Variants in MED12L observed in about 807,000 individuals in gnomAD.
The protein encoded by MED12L is mediator complex subunit 12L.
MED12L carries 60 observed loss-of-function variants against 281.3 expected under a neutral mutation model. The ratio of observed to expected loss-of-function variants is 0.21; its 90% CI spans 0.17 to 0.26. MED12L has a LOEUF of 0.26. MED12L is among the 10% of genes least tolerant of loss of function. The probability of loss-of-function intolerance (pLI) is 1.00; values close to 1 mark genes in which losing one functional copy is unlikely to be tolerated. For missense variants in MED12L, 2,146 were observed against 2,680.9 expected (o/e 0.80, Z 4.41); for synonymous variants, 974 against 987.2 (o/e 0.99, Z 0.25).
chr3:151,143,566 A>G (rs961057199), intron 5 of MED12L, among the ~76,000 whole-genome samples: 49 of 152,216 alleles, frequency 3.2e-4, no homozygotes, highest in African/African-American at 9.9e-4. Flanking sequence ...TGGGGCTAGC[A>G]GCAAGTATCT....
chr3:151,138,908 T>A (rs1477266772), intron 5 of MED12L, among the ~76,000 whole-genome samples: 2 of 152,150 alleles, frequency 1.3e-5, no homozygotes, highest in Admixed American at 6.5e-5. Context: ...AGTGGGGAGT[T>A]AACCATCCCC....
In MED12L at chr3:151,377,054, G is replaced by T. The variant is rs1756940145; in HGVS notation, c.4192G>T (p.Val1398Leu). 2 of 1,614,088 alleles carry T rather than the reference G, an allele frequency of 1.2e-6. No homozygotes were observed. The highest frequency in any genetic ancestry group is 2.2e-5 in the South Asian group (2 of 91,084). ...LDNIAKATIE[V>L]FQQSADLNNS... ...CAATATTGCAAAGGCAACAATAGAG[G>T]TATTCCAGCAGTCTGCAGACCTAAA... The change falls in exon 30 of 45, where the codon GTA (valine) becomes TTA (leucine). Residue 1398 changes from valine to leucine, a missense_variant. By Grantham distance (32) the Val-to-Leu change is conservative. This residue lies in a region of MED12L where 235 missense variants were observed against 260.3 expected (regional missense o/e 0.90). Coordinates refer to ENST00000687756, the MANE Select transcript of MED12L (RefSeq NM_001393769.1).
chr3:151,342,959 G>T (rs568598408), intron 16 of MED12L, among the ~76,000 whole-genome samples: 3 of 152,242 alleles, frequency 2.0e-5, no homozygotes, highest in African/African-American at 7.2e-5. Flanking sequence ...GAACTGAAGA[G>T]CAGAGCAGTG....
At chr3:151,158,078 C>G (rs1449226039) in intron 6 of MED12L, among the ~76,000 whole-genome samples, 1 of 152,132 alleles carries the variant, frequency 6.6e-6, no homozygotes, top group Non-Finnish European at 1.5e-5. Context: ...CTGTGTCACC[C>G]CCGTGGGGCA....
At chr3:151,383,066 T>C in intron 33 of MED12L, among the ~76,000 whole-genome samples, 1 of 152,374 alleles carries the variant, frequency 6.6e-6, no homozygotes, top group East Asian at 1.9e-4. Flanking sequence ...TAGCTTCTAC[T>C]ATACTTACTT....
At chr3:151,368,107 C>A in intron 24 of MED12L, 43 bp from the exon 25 acceptor site, 2 of 1,483,344 alleles carry the variant, frequency 1.3e-6, no homozygotes, top group South Asian at 2.3e-5. Context: ...GACTTGTTCC[C>A]AAGTGTGTTA....
At chr3:151,299,001 C>A (rs762899774) in intron 16 of MED12L, among the ~76,000 whole-genome samples, 8 of 152,126 alleles carry the variant, frequency 5.3e-5, no homozygotes, top group Non-Finnish European at 8.8e-5. Flanking sequence ...AGCTGTCTTG[C>A]TGGATCTTCT....
At chr3:151,141,190 T>TG (rs1183464898) in intron 5 of MED12L, among the ~76,000 whole-genome samples, 5 of 135,108 alleles carry the variant, frequency 3.7e-5, no homozygotes, top group African/African-American at 1.4e-4. Context: ...TTTTTTTGTT[T>TG]TTTTTTTTTT....
intron 1 of MED12L, among the ~76,000 whole-genome samples, chr3:151,086,186 C>A (rs1263183944): frequency 6.6e-6 from 1 of 152,172 alleles, no homozygotes; most frequent in African/African-American, 2.4e-5. Context: ...CCGGAGCCGC[C>A]GAGGGGACCG....
At chr3:151,401,135 G>A (rs1307829181) in intron 39 of MED12L, among the ~76,000 whole-genome samples, 3 of 151,840 alleles carry the variant, frequency 2.0e-5, no homozygotes, top group Non-Finnish European at 4.4e-5. Flanking sequence ...ATTATTTTGC[G>A]GCTTTTTTGT....
At chr3:151,379,258 AG>A (rs1711782467) in intron 31 of MED12L, among the ~76,000 whole-genome samples, 1 of 152,248 alleles carries the variant, frequency 6.6e-6, no homozygotes, top group East Asian at 1.9e-4. Flanking sequence ...TAGGCAGGAC[AG>A]ATGGTATTGA....
At chr3:151,190,281 C>T (rs547139244) in intron 13 of MED12L, among the ~76,000 whole-genome samples, 6 of 152,058 alleles carry the variant, frequency 3.9e-5, no homozygotes, top group African/African-American at 1.4e-4. Flanking sequence ...AAGCGATTCT[C>T]CTGCCTCAGC....
At chr3:151,285,029 T>G (rs563406875) in intron 16 of MED12L, among the ~76,000 whole-genome samples, 1 of 152,320 alleles carries the variant, frequency 6.6e-6, no homozygotes, top group South Asian at 2.1e-4. Context: ...CCCTCTAATA[T>G]TTATGTGTTG....
At chr3:151,172,027 A>T (rs1560118158) in intron 11 of MED12L, among the ~76,000 whole-genome samples, 1 of 152,206 alleles carries the variant, frequency 6.6e-6, no homozygotes, top group Non-Finnish European at 1.5e-5. Context: ...AAGCACCCCT[A>T]TAAGATTTGG....
Position 151,152,085 on chromosome 3 carries a change from GTTTTTTTTTTTTTTTTTTT to G in MED12L, c.557-4063_557-4045del, listed in dbSNP as rs141353889. Among the ~76,000 whole-genome samples the G allele has an allele frequency of 2.5e-3, 159 of 63,028 alleles. 1 individual carries two copies. The highest frequency in any genetic ancestry group is 3.7e-3 in the Non-Finnish European group (130 of 35,256). The allele number at this position is 63,028 out of a possible 152,430, so 41.3% of individuals were successfully genotyped here. On this transcript the variant is annotated intron_variant, in intron 5 of 44. Coordinates refer to ENST00000687756, the MANE Select transcript of MED12L (RefSeq NM_001393769.1). ...AAGAATTGTGGATCAGTTGAAGGTG[GTTTTTTTTTTTTTTTTTTT>G]TTTTTTTTTTTTGGAGACAGGGTCT...
intron 9 of MED12L, 114 bp from the exon 10 acceptor site, chr3:151,165,306 G>T (rs1475391680): frequency 1.7e-6 from 1 of 594,678 alleles, no homozygotes; most frequent in African/African-American, 1.9e-5. Flanking sequence ...TTACAATGCA[G>T]TCAAGATTGT....
chr3:151,320,131 G>T (rs537583153), intron 16 of MED12L, among the ~76,000 whole-genome samples: 1 of 152,200 alleles, frequency 6.6e-6, no homozygotes, highest in East Asian at 1.9e-4. Flanking sequence ...TTCTGCATTG[G>T]TGTGGACCTG....
intron 39 of MED12L, among the ~76,000 whole-genome samples, chr3:151,406,486 T>C (rs1018049328): frequency 6.6e-6 from 1 of 152,174 alleles, no homozygotes; most frequent in Admixed American, 6.5e-5. Flanking sequence ...TGGGAAGTGC[T>C]AGTCAAATAG....
At position 151,390,062 on chromosome 3, in the gene MED12L, C is replaced by T. The variant is rs35949713; in HGVS notation, c.5535C>T (p.Thr1845=). 1 of 1,614,038 alleles carries T rather than the reference C, an allele frequency of 6.2e-7. No individual in the cohort carries two copies. Among genetic ancestry groups the T allele is most frequent in the South Asian group, 1.1e-5 (1 of 91,084 alleles). Residue 1845 remains threonine, a synonymous_variant, in exon 38 of 45, where the codon ACC becomes ACT. Coordinates refer to ENST00000687756, the MANE Select transcript of MED12L (RefSeq NM_001393769.1). ...SSQMMHHPQS[T]LWGYNLVGQP... ...AAATGATGCACCATCCACAGTCCAC[C>T]TTGTGGGGTTACAACCTCGTGGGCC... is the stretch of plus-strand genomic sequence containing the variant.
Sources: gnomAD v4.1 joint callset for allele counts (sites outside exome capture counted in the v4.1 genomes callset) on GRCh38, gnomAD v4.1.1 for gene constraint, gnomAD v4.1.1 regional missense constraint, MANE v1.5 for transcripts, NCBI Gene and HGNC (gene_info 2026-07-23, HGNC 2026-07-21) for gene names.